Variants in OR3A2 observed in about 807,000 individuals in gnomAD.
OR3A2 encodes the protein olfactory receptor family 3 subfamily A member 2, also known as olfactory receptor 3A2.
For synonymous variants in OR3A2, 126 were observed against 159.3 expected, an observed-to-expected ratio of 0.79 and a Z score of 1.57; for missense variants, 318 against 392.8, an observed-to-expected ratio of 0.81 and a Z score of 1.61.
chr17:3,292,672 C>A (rs1322789372), intron 3 of OR3A2: 1 of 1,172,406 alleles, frequency 8.5e-7, no homozygotes, highest in Non-Finnish European at 1.2e-6. Flanking sequence ...CCCCCTTCTA[C>A]TTGCCCGGCC....
At chr17:3,372,498 G>A (rs935150627) in intron 2 of OR3A2, among the ~76,000 whole-genome samples, 3 of 152,006 alleles carry the variant, frequency 2.0e-5, no homozygotes, top group Non-Finnish European at 4.4e-5. Flanking sequence ...GTTGTAGCGA[G>A]CTGAGATCAC....
chr17:3,332,555 C>T (rs2049245928), intron 3 of OR3A2, among the ~76,000 whole-genome samples: 1 of 152,258 alleles, frequency 6.6e-6, no homozygotes, highest in Non-Finnish European at 1.5e-5. Context: ...CGCCCTGCTT[C>T]AGCTGGCGCA....
chr17:3,367,626 A>G (rs939150826), intron 2 of OR3A2, among the ~76,000 whole-genome samples: 3 of 82,276 alleles, frequency 3.6e-5, no homozygotes, highest in African/African-American at 1.6e-4. Flanking sequence ...TATATATGCC[A>G]TTTTCTTTAT....
At chr17:3,361,530 C>G (rs1296025232) in intron 2 of OR3A2, among the ~76,000 whole-genome samples, 2 of 151,642 alleles carry the variant, frequency 1.3e-5, no homozygotes. Context: ...TTTGCCCATT[C>G]AGTATGATAT....
At chr17:3,367,601 G>A (rs12601717) in intron 2 of OR3A2, among the ~76,000 whole-genome samples, 12,033 of 122,398 alleles carry the variant, frequency 0.098, 1,126 homozygotes, top group East Asian at 0.49. Flanking sequence ...GTGTGTGTGT[G>A]TATATATATA....
chr17:3,364,219 G>C (rs1193276137), intron 2 of OR3A2, among the ~76,000 whole-genome samples: 4 of 152,088 alleles, frequency 2.6e-5, no homozygotes, highest in Non-Finnish European at 5.9e-5. Flanking sequence ...ATGTTTTATT[G>C]TATTTTTAAT....
At chr17:3,335,010 A>G (rs1367394132) in intron 3 of OR3A2, among the ~76,000 whole-genome samples, 1 of 152,206 alleles carries the variant, frequency 6.6e-6, no homozygotes. Context: ...AGTACTAACT[A>G]GTTTTATTCA....
At chr17:3,369,804 ACT>A (rs1491441030) in intron 2 of OR3A2, among the ~76,000 whole-genome samples, 5 of 75,826 alleles carry the variant, frequency 6.6e-5, no homozygotes, top group African/African-American at 3.2e-4. Context: ...TTAGATTGGT[ACT>A]TTTTTTTTTT....
chr17:3,309,902 C>CT (rs1322415505), intron 3 of OR3A2: 3 of 118,220 alleles, frequency 2.5e-5, no homozygotes, highest in Admixed American at 1.0e-4. Flanking sequence ...TCCTGCTTCC[C>CT]CGAAGCTTCC....
chr17:3,369,572 G>T (rs1460942238), intron 2 of OR3A2, among the ~76,000 whole-genome samples: 1 of 152,076 alleles, frequency 6.6e-6, no homozygotes, highest in Non-Finnish European at 1.5e-5. Flanking sequence ...TGCATCCCTG[G>T]TATGAAACCC....
At chr17:3,347,126 T>C (rs1478613712) in intron 2 of OR3A2, among the ~76,000 whole-genome samples, 1 of 152,210 alleles carries the variant, frequency 6.6e-6, no homozygotes, top group Non-Finnish European at 1.5e-5. Flanking sequence ...CTGTTCTCCA[T>C]AGTGGCTGTA....
intron 3 of OR3A2, among the ~76,000 whole-genome samples, chr17:3,308,429 C>T (rs967444568): frequency 2.2e-4 from 34 of 152,100 alleles, no homozygotes; most frequent in Non-Finnish European, 8.8e-5. Flanking sequence ...ACTCTCACAG[C>T]TTGGTCTCCA....
At chr17:3,347,053 G>A (rs990381257) in intron 2 of OR3A2, among the ~76,000 whole-genome samples, 6 of 152,046 alleles carry the variant, frequency 3.9e-5, no homozygotes, top group Admixed American at 6.6e-5. Context: ...TGATATATAC[G>A]TAGCAGCGAG....
In OR3A2 at chr17:3,311,029, C is replaced by A. The variant is rs777791006; in HGVS notation, c.-85+25004G>T. On this transcript the variant is annotated intron_variant, in intron 3 of 4. Coordinates refer to the OR3A2 transcript ENST00000573491. The surrounding 1 kb of genome is among the most constrained non-coding windows in gnomAD (Gnocchi z 4.6). ...CGCTCTGCAGAGGGCAGAAAGAAAG[C>A]CTTCTCCACGTGTAGTTCCCACCTC... 9.1e-6 allele frequency: 5 copies of A among 547,198 alleles called. No individual in the cohort carries two copies. The highest frequency in any genetic ancestry group is 1.9e-5 in the African/African-American group (1 of 52,140). The allele number at this position is 547,198 out of a possible 1,614,324, so 33.9% of individuals were successfully genotyped here.
intron 3 of OR3A2, among the ~76,000 whole-genome samples, chr17:3,326,789 T>A (rs973647675): frequency 7.1e-6 from 1 of 141,708 alleles, no homozygotes; most frequent in African/African-American, 2.7e-5. Context: ...CACCTATGAG[T>A]GAGAATATGC....
intron 3 of OR3A2, among the ~76,000 whole-genome samples, chr17:3,308,571 G>A (rs755500829): frequency 1.9e-4 from 29 of 152,152 alleles, no homozygotes; most frequent in African/African-American, 6.0e-4. Flanking sequence ...GCTTTCAAGC[G>A]CTACTCACGG....
In OR3A2 at chr17:3,304,991, T is replaced by C. The variant is rs11869285; in HGVS notation, c.-84-25838A>G. On this transcript the variant is annotated intron_variant, in intron 3 of 4. Coordinates refer to the OR3A2 transcript ENST00000573491. ...GAAAAAATCAGAACAATAATTGTTT[T>C]TGAGTAGTCATTTTTTAACTGGAGA... Among the ~76,000 whole-genome samples, 443 of 152,336 alleles carry C rather than the reference T, an allele frequency of 2.9e-3. 2 individuals are homozygous for C. The highest frequency in any genetic ancestry group is 8.8e-3 in the African/African-American group (367 of 41,582).
chr17:3,292,259 A>G (rs752531310), intron 3 of OR3A2: 2 of 1,614,162 alleles, frequency 1.2e-6, no homozygotes, highest in South Asian at 2.2e-5. Flanking sequence ...CAACGAACAG[A>G]TGGAAGAAGA....
intron 3 of OR3A2, among the ~76,000 whole-genome samples, chr17:3,331,690 A>T (rs7215407): frequency 6.6e-6 from 1 of 150,432 alleles, no homozygotes; most frequent in Non-Finnish European, 1.5e-5. Flanking sequence ...GTAATTTGAT[A>T]GTCTGAAGCC....
Sources: gnomAD v4.1 joint callset for allele counts (sites outside exome capture counted in the v4.1 genomes callset) on GRCh38, gnomAD v4.1.1 for gene constraint, Gnocchi (gnomAD v3.1) non-coding constraint, MANE v1.5 for transcripts, NCBI Gene and HGNC (gene_info 2026-07-23, HGNC 2026-07-21) for gene names.